GRM7: variants seen among roughly 807,000 people sequenced by gnomAD.
The protein encoded by GRM7 is metabotropic glutamate receptor 7.
A neutral mutation model predicts 84.5 loss-of-function variants in GRM7; 35 were observed. That is an observed-to-expected ratio of 0.41 (90% CI 0.32 to 0.55). GRM7 has a LOEUF of 0.55. Ranked by LOEUF, GRM7 falls within the 20% of genes least tolerant of loss-of-function variation. The pLI is 0.19. For missense variants in GRM7, 1,003 were observed against 1,194.6 expected (o/e 0.84, Z 2.36); for synonymous variants, 487 against 455.1 (o/e 1.07, Z -0.89).
At chr3:6,992,895 C>A (rs778578511) in intron 1 of GRM7, among the ~76,000 whole-genome samples, 3 of 152,308 alleles carry the variant, frequency 2.0e-5, no homozygotes, top group East Asian at 1.9e-4. Flanking sequence ...CAATGCAGCA[C>A]CCTGTGACAC....
At chr3:7,168,504 C>G (rs939029968) in intron 2 of GRM7, among the ~76,000 whole-genome samples, 3 of 152,222 alleles carry the variant, frequency 2.0e-5, no homozygotes, top group Non-Finnish European at 4.4e-5. Flanking sequence ...AAGGTGTGAC[C>G]TGCAAACCGG....
intron 1 of GRM7, among the ~76,000 whole-genome samples, chr3:6,997,090 A>T (rs56813934): frequency 0.016 from 2,496 of 152,282 alleles, 74 homozygotes; most frequent in African/African-American, 0.054. Flanking sequence ...GAGAGAAGAT[A>T]AACATTTAAT....
At chr3:7,510,734 A>G (rs1310952467) in intron 7 of GRM7, among the ~76,000 whole-genome samples, 1 of 152,216 alleles carries the variant, frequency 6.6e-6, no homozygotes, top group African/African-American at 2.4e-5. Flanking sequence ...ACACTTACAA[A>G]TAGTTGAAAA....
chr3:7,454,474 G>A (rs990406680), intron 6 of GRM7, among the ~76,000 whole-genome samples: 1 of 152,092 alleles, frequency 6.6e-6, no homozygotes, highest in East Asian at 1.9e-4. Flanking sequence ...AACAAATTGT[G>A]TAACTGAAGT....
At chr3:7,255,659 A>G (rs1356200927) in intron 2 of GRM7, among the ~76,000 whole-genome samples, 3 of 152,240 alleles carry the variant, frequency 2.0e-5, no homozygotes, top group African/African-American at 7.2e-5. Flanking sequence ...TATAGAAGGC[A>G]TGGAGGAGAG....
chr3:7,215,037 G>A (rs1696555364), intron 2 of GRM7, among the ~76,000 whole-genome samples: 1 of 152,108 alleles, frequency 6.6e-6, no homozygotes, highest in Admixed American at 6.5e-5. Flanking sequence ...TACTTGTTAT[G>A]TATTTGAAAA....
At chr3:7,325,864 G>GT (rs1199634968) in intron 4 of GRM7, among the ~76,000 whole-genome samples, 1 of 152,140 alleles carries the variant, frequency 6.6e-6, no homozygotes, top group East Asian at 1.9e-4. Flanking sequence ...TTAGTTTACA[G>GT]TTTTTTTGTC....
chr3:6,882,456 T>C (rs1695546403), intron 1 of GRM7, among the ~76,000 whole-genome samples: 2 of 152,154 alleles, frequency 1.3e-5, no homozygotes, highest in Non-Finnish European at 2.9e-5. Flanking sequence ...TAAGGCTGCA[T>C]GTTTGCTTGA....
chr3:7,566,803 GA>G (rs955388704), intron 7 of GRM7, among the ~76,000 whole-genome samples: 37 of 150,880 alleles, frequency 2.5e-4, no homozygotes, highest in East Asian at 5.8e-4. Context: ...CTTCCAGGGG[GA>G]AAAAAAAAAT....
chr3:7,494,636 T>C (rs1033364024), intron 7 of GRM7, among the ~76,000 whole-genome samples: 1 of 152,146 alleles, frequency 6.6e-6, no homozygotes, highest in Admixed American at 6.6e-5. Context: ...GCTCTCTTCG[T>C]TTTTATCAGT....
chr3:7,476,883 A>G (rs559063851), intron 7 of GRM7, among the ~76,000 whole-genome samples: 1 of 152,270 alleles, frequency 6.6e-6, no homozygotes, highest in African/African-American at 2.4e-5. Flanking sequence ...ATATTCCACC[A>G]CCAAACTGAA....
intron 1 of GRM7, among the ~76,000 whole-genome samples, chr3:6,927,483 A>G (rs868693452): frequency 3.7e-4 from 39 of 105,194 alleles, no homozygotes; most frequent in Admixed American, 1.3e-3. Context: ...GAAAGAAAGA[A>G]AGAAAGAAAG....
At chr3:7,102,859 T>A (rs1364346581) in intron 1 of GRM7, among the ~76,000 whole-genome samples, 2 of 151,814 alleles carry the variant, frequency 1.3e-5, no homozygotes, top group Non-Finnish European at 2.9e-5. Flanking sequence ...TTTGTTTATA[T>A]TGGTTTTGTT....
rs531387151 is a variant in GRM7, at chr3:7,128,594, G to A, written c.520-17858G>A. ...GCGATCTGTGTTCACTGCAACCTCC[G>A]CCTCCCAGGTTCAGCGATTCTCTTG... On this transcript the variant is annotated intron_variant, in intron 1 of 9. Transcript: ENST00000357716. Among the ~76,000 whole-genome samples, 129 of 125,050 alleles carry A rather than the reference G, an allele frequency of 1.0e-3. 23 individuals are homozygous for A. The highest frequency in any genetic ancestry group is 1.3e-3 in the Non-Finnish European group (77 of 59,562). 82.0% of individuals were successfully genotyped at this position (125,050 alleles called of 152,430 possible).
At chr3:6,918,326 G>A (rs144093094) in intron 1 of GRM7, among the ~76,000 whole-genome samples, 2 of 152,254 alleles carry the variant, frequency 1.3e-5, no homozygotes, top group African/African-American at 2.4e-5. Flanking sequence ...CTTGTAGGAC[G>A]ACATAGGGAA....
At chr3:7,699,880 C>T (rs1337996254) in intron 9 of GRM7, among the ~76,000 whole-genome samples, 1 of 152,146 alleles carries the variant, frequency 6.6e-6, no homozygotes, top group Non-Finnish European at 1.5e-5. Context: ...AGTCTAGGGT[C>T]AGAGTTACAG....
At chr3:7,467,997 C>A (rs538820938) in intron 7 of GRM7, among the ~76,000 whole-genome samples, 1 of 152,278 alleles carries the variant, frequency 6.6e-6, no homozygotes, top group South Asian at 2.1e-4. Flanking sequence ...TTGGCTGTCA[C>A]AGACACCTAA....
intron 7 of GRM7, among the ~76,000 whole-genome samples, chr3:7,565,005 G>T (rs190236652): frequency 3.9e-4 from 60 of 152,220 alleles, no homozygotes; most frequent in African/African-American, 1.4e-3. Flanking sequence ...GTGTTCATTT[G>T]TCCTCCACCT....
chr3:7,738,240 A>C (rs1192624423), intron 9 of GRM7, among the ~76,000 whole-genome samples: 1 of 152,196 alleles, frequency 6.6e-6, no homozygotes, highest in Non-Finnish European at 1.5e-5. Context: ...ATCAGAACCC[A>C]GGTCAGGTGA....
Sources: allele counts gnomAD v4.1 joint callset (sites outside exome capture counted in the v4.1 genomes callset), GRCh38; gene constraint gnomAD v4.1.1; transcripts MANE v1.5; gene names NCBI Gene and HGNC (gene_info 2026-07-23, HGNC 2026-07-21).